Variants in PDE3B observed in about 807,000 individuals in gnomAD.
PDE3B encodes the protein phosphodiesterase 3B, also known as cGMP-inhibited 3',5'-cyclic phosphodiesterase 3B.
PDE3B carries 66 observed loss-of-function variants against 116.8 expected under a neutral mutation model. The ratio of observed to expected loss-of-function variants is 0.56; its 90% CI spans 0.46 to 0.69. PDE3B has a LOEUF of 0.69. Ranked by LOEUF, PDE3B falls within the 30% of genes least tolerant of loss-of-function variation. PDE3B has a pLI of 0.00. For synonymous variants in PDE3B, 595 were observed against 533.6 expected (o/e 1.12, Z -1.59); for missense variants, 1,384 against 1,368.1 (o/e 1.01, Z -0.18).
chr11:14,667,679 G>A (rs1335123288), intron 1 of PDE3B, among the ~76,000 whole-genome samples: 1 of 151,054 alleles, frequency 6.6e-6, no homozygotes, highest in East Asian at 2.0e-4. Flanking sequence ...GACACAACGG[G>A]GACTGTTGTG....
At chr11:14,851,456 G>C (rs952831518) in intron 12 of PDE3B, among the ~76,000 whole-genome samples, 2 of 151,720 alleles carry the variant, frequency 1.3e-5, no homozygotes, top group Non-Finnish European at 2.9e-5. Context: ...TTGGGGTCGG[G>C]GGAAGGCATG....
Position 14,869,720 on chromosome 11 carries a change from C to A in PDE3B, c.*60C>A. The A allele has an allele frequency of 7.1e-7, 1 of 1,409,296 alleles. No individual in the cohort carries two copies. Among genetic ancestry groups the A allele is most frequent in the Non-Finnish European group, 9.9e-7 (1 of 1,009,252 alleles). The allele number at this position is 1,409,296 out of a possible 1,614,324, so 87.3% of individuals were successfully genotyped here. A position where few individuals can be genotyped will look rare whatever the true frequency, so the allele number is the denominator to read the frequency against. ...AAGCCCAGAGGGTTGTGCCCAGGGG[C>A]AGAAATCATTGCCTAGTGTTCACCG... On this transcript the variant is annotated 3_prime_UTR_variant, in exon 16 of 16. Transcript: ENST00000282096.
intron 1 of PDE3B, among the ~76,000 whole-genome samples, chr11:14,684,927 G>C (rs924444593): frequency 1.3e-5 from 2 of 151,480 alleles, no homozygotes; most frequent in Admixed American, 6.6e-5. Flanking sequence ...TTTTTTTCAA[G>C]GTGCACTGAT....
intron 1 of PDE3B, among the ~76,000 whole-genome samples, chr11:14,741,177 A>G (rs990091229): frequency 5.9e-5 from 9 of 151,972 alleles, no homozygotes; most frequent in Non-Finnish European, 1.0e-4. Flanking sequence ...TATCGTATTG[A>G]TCTGTCTAAT....
intron 1 of PDE3B, among the ~76,000 whole-genome samples, chr11:14,739,928 T>C (rs1366931359): frequency 6.6e-6 from 1 of 152,142 alleles, no homozygotes; most frequent in African/African-American, 2.4e-5. Context: ...TATGTTGAAC[T>C]AGCCTTGCAT....
intron 12 of PDE3B, among the ~76,000 whole-genome samples, chr11:14,850,167 G>A (rs1231071789): frequency 1.3e-5 from 2 of 151,888 alleles, no homozygotes; most frequent in Non-Finnish European, 2.9e-5. Flanking sequence ...CATAAAAAAG[G>A]ATGAGTTCAT....
intron 12 of PDE3B, among the ~76,000 whole-genome samples, chr11:14,853,368 AC>A (rs1462902963): frequency 3.3e-5 from 5 of 152,204 alleles, no homozygotes; most frequent in Non-Finnish European, 7.3e-5. Context: ...TGCTTGACAT[AC>A]AAAAAGCATT....
chr11:14,688,655 C>T (rs961425385), intron 1 of PDE3B, among the ~76,000 whole-genome samples: 1 of 152,124 alleles, frequency 6.6e-6, no homozygotes, highest in Non-Finnish European at 1.5e-5. Context: ...AGCACTCAGC[C>T]ATTCACTTTT....
downstream of PDE3B, among the ~76,000 whole-genome samples, chr11:14,874,386 A>G (rs1483084620): frequency 6.6e-6 from 1 of 152,120 alleles, no homozygotes; most frequent in Non-Finnish European, 1.5e-5. Context: ...GCCCATTTAT[A>G]TTTATTCATG....
rs1278806287 is a variant in PDE3B at position 14,674,712 on chromosome 11, C to T, written c.978+29659C>T. On this transcript the variant is annotated intron_variant, in intron 1 of 15. Transcript: ENST00000282096. ...CTAATTAATTTCTGCTTCTTACCCT[C>T]ATAGGAAAAATATTGAACTTCTATG... Among the ~76,000 whole-genome samples the T allele has an allele frequency of 2.0e-5, 3 of 152,304 alleles. No individual in the cohort carries two copies. In the East Asian group the frequency reaches 5.8e-4, roughly 29 times the overall value.
chr11:14,892,020 G>C, the PDE3B span: 1 of 1,613,196 alleles, frequency 6.2e-7, no homozygotes. Flanking sequence ...TGTAGACATG[G>C]GGAAGCTCGG....
intron 2 of PDE3B, among the ~76,000 whole-genome samples, chr11:14,783,463 C>T (rs1419836699): frequency 6.6e-6 from 1 of 152,172 alleles, no homozygotes; most frequent in East Asian, 1.9e-4. Flanking sequence ...TTTGTAGGGA[C>T]ATGGATGAAG....
intron 7 of PDE3B, among the ~76,000 whole-genome samples, chr11:14,825,522 C>A (rs1859661263): frequency 6.6e-6 from 1 of 151,992 alleles, no homozygotes; most frequent in South Asian, 2.1e-4. Context: ...TTTAAACCAA[C>A]AAAGATCAAA....
chr11:14,818,735 A>G (rs759276299), intron 6 of PDE3B, among the ~76,000 whole-genome samples: 1 of 151,918 alleles, frequency 6.6e-6, no homozygotes, highest in Non-Finnish European at 1.5e-5. Context: ...TTCTCATTTT[A>G]GTGGTTATTA....
At chr11:14,705,926 A>T (rs1053393943) in intron 1 of PDE3B, among the ~76,000 whole-genome samples, 1 of 151,906 alleles carries the variant, frequency 6.6e-6, no homozygotes, top group African/African-American at 2.4e-5. Context: ...TAAAAAAGCT[A>T]TACAATTAAA....
chr11:14,735,774 A>G (rs1371219510), intron 1 of PDE3B, among the ~76,000 whole-genome samples: 2 of 152,192 alleles, frequency 1.3e-5, no homozygotes, highest in Non-Finnish European at 2.9e-5. Flanking sequence ...GATTCAATAT[A>G]AAGGTATGCT....
At chr11:14,844,316 CA>C (rs2133974370) in intron 12 of PDE3B, among the ~76,000 whole-genome samples, 1 of 152,300 alleles carries the variant, frequency 6.6e-6, no homozygotes, top group African/African-American at 2.4e-5. Context: ...ATCAAACCAG[CA>C]AAACTCTGAC....
intron 5 of PDE3B, among the ~76,000 whole-genome samples, chr11:14,815,977 A>T (rs140433573): frequency 3.3e-5 from 5 of 151,470 alleles, no homozygotes; most frequent in African/African-American, 1.2e-4. Context: ...ACACGCAGAG[A>T]AAGAGAGAGA....
rs144599575 is a variant in PDE3B at position 14,789,732 on chromosome 11, T to G, written c.1415+490T>G. On this transcript the variant is annotated intron_variant, in intron 4 of 15. Coordinates refer to ENST00000282096, the MANE Select transcript of PDE3B (RefSeq NM_000922.4). ...GAGACAACTAATATATTCTATATTC[T>G]GTTGAGGATTTACTTGGAACTGAAC... Among the ~76,000 whole-genome samples, 559 of 152,126 alleles carry G rather than the reference T, an allele frequency of 3.7e-3. 2 individuals are homozygous for G. Among genetic ancestry groups the G allele is most frequent in the African/African-American group, 0.013 (540 of 41,548 alleles).
Sources: gnomAD v4.1 joint callset for allele counts (sites outside exome capture counted in the v4.1 genomes callset) on GRCh38, gnomAD v4.1.1 for gene constraint, MANE v1.5 for transcripts, NCBI Gene and HGNC (gene_info 2026-07-23, HGNC 2026-07-21) for gene names.